The following ARHGAP24 variants were observed in gnomAD, a reference collection of about 807,000 sequenced individuals.
ARHGAP24 encodes the protein Rho GTPase activating protein 24, also known as rho GTPase-activating protein 24.
In ARHGAP24, 50 loss-of-function variants were observed where a neutral mutation model predicts 76.4. That is an observed-to-expected ratio of 0.65 (90% CI 0.52 to 0.83). ARHGAP24 has a LOEUF of 0.83. Among genes scored for constraint, ARHGAP24 ranks in the 40% least tolerant of loss-of-function variants. The pLI is 0.00. For synonymous variants in ARHGAP24, 345 were observed against 323.3 expected (o/e 1.07, Z -0.72); for missense variants, 930 against 914.2 (o/e 1.02, Z -0.22).
intron 3 of ARHGAP24, among the ~76,000 whole-genome samples, chr4:85,757,444 G>T (rs146354539): frequency 2.0e-5 from 3 of 151,496 alleles, no homozygotes; most frequent in African/African-American, 4.9e-5. Flanking sequence ...TCAATTCCCA[G>T]CTATGAGTGA....
At chr4:85,607,897 C>A (rs1449104877) in intron 2 of ARHGAP24, among the ~76,000 whole-genome samples, 1 of 151,578 alleles carries the variant, frequency 6.6e-6, no homozygotes, top group Admixed American at 6.6e-5. Flanking sequence ...GTGCATGATG[C>A]CTGGTGCTGG....
At chr4:85,807,140 GAGAT>G (rs1277800337) in intron 3 of ARHGAP24, among the ~76,000 whole-genome samples, 1 of 151,788 alleles carries the variant, frequency 6.6e-6, no homozygotes, top group Non-Finnish European at 1.5e-5. Context: ...TTTAAGTTCT[GAGAT>G]AGATGTGCAG....
intron 1 of ARHGAP24, among the ~76,000 whole-genome samples, chr4:85,485,743 T>G (rs1343810697): frequency 6.6e-6 from 1 of 151,666 alleles, no homozygotes; most frequent in Non-Finnish European, 1.5e-5. Flanking sequence ...GAACAGTTTT[T>G]TTTTTTTTTT....
chr4:85,610,451 CAAAAAAAAAA>C (rs57348830), intron 2 of ARHGAP24, among the ~76,000 whole-genome samples: 4 of 51,212 alleles, frequency 7.8e-5, no homozygotes, highest in African/African-American at 3.2e-4. Context: ...ACTCCATCTA[CAAAAAAAAAA>C]AAAAAAAAAA....
chr4:85,610,036 T>C (rs542227847), intron 2 of ARHGAP24, among the ~76,000 whole-genome samples: 1 of 152,164 alleles, frequency 6.6e-6, no homozygotes, highest in African/African-American at 2.4e-5. Flanking sequence ...CATAAGACAA[T>C]TTAATGAACT....
rs564504408 is a variant in ARHGAP24 at position 85,870,912 on chromosome 4, A to G, written c.269-52736A>G. On this transcript the variant is annotated intron_variant, in intron 3 of 9. Coordinates refer to ENST00000395184, the MANE Select transcript of ARHGAP24 (RefSeq NM_001025616.3). ...TTTACTGTTTCATGACTTTACTTCA[A>G]GTTTCCTTGTACCAAATATTACCTC... 3.3e-5 allele frequency among the ~76,000 whole-genome samples: 5 copies of G among 152,264 alleles called. No individual in the cohort carries two copies. The South Asian group carries it at 8.3e-4, about 25-fold the overall frequency.
chr4:85,620,501 T>A (rs1055608102), intron 2 of ARHGAP24, among the ~76,000 whole-genome samples: 1 of 151,768 alleles, frequency 6.6e-6, no homozygotes, highest in African/African-American at 2.4e-5. Flanking sequence ...TGTAATGTAG[T>A]TTCTTTTATT....
intron 4 of ARHGAP24, among the ~76,000 whole-genome samples, chr4:85,941,496 AGTTT>A (rs1379814967): frequency 1.3e-5 from 2 of 152,222 alleles, no homozygotes; most frequent in African/African-American, 4.8e-5. Context: ...ATAAGTTAAT[AGTTT>A]AAGACAAGCA....
chr4:85,475,691 C>CCA (rs1158630589), intron 1 of ARHGAP24, 132 bp downstream of exon 1: 2 of 1,996 alleles, frequency 1.0e-3, no homozygotes, highest in Non-Finnish European at 2.3e-3. Context: ...CTGCGGGGGG[C>CCA]GGGGAGGGGG....
At chr4:85,720,644 C>G (rs954082542) in intron 2 of ARHGAP24, among the ~76,000 whole-genome samples, 1 of 152,024 alleles carries the variant, frequency 6.6e-6, no homozygotes, top group African/African-American at 2.4e-5. Context: ...AAATCATAGG[C>G]CTGGATGAGA....
At chr4:85,887,577 A>T (rs1578346679) in intron 3 of ARHGAP24, among the ~76,000 whole-genome samples, 1 of 152,332 alleles carries the variant, frequency 6.6e-6, no homozygotes, top group Non-Finnish European at 1.5e-5. Flanking sequence ...ACAGTTGTAA[A>T]TATTTTACAA....
At chr4:85,901,477 G>A (rs1734489141) in intron 3 of ARHGAP24, among the ~76,000 whole-genome samples, 3 of 152,062 alleles carry the variant, frequency 2.0e-5, no homozygotes, top group Admixed American at 2.0e-4. Flanking sequence ...GACATTTGAT[G>A]TTGGGTGTTC....
At chr4:85,489,500 G>A (rs1012258942) in intron 1 of ARHGAP24, among the ~76,000 whole-genome samples, 2 of 152,164 alleles carry the variant, frequency 1.3e-5, no homozygotes, top group African/African-American at 4.8e-5. Context: ...TCTTAAACAG[G>A]AGAGGTCAAA....
chr4:85,647,095 T>C (rs1721752254), intron 2 of ARHGAP24, among the ~76,000 whole-genome samples: 1 of 152,052 alleles, frequency 6.6e-6, no homozygotes, highest in Non-Finnish European at 1.5e-5. Context: ...AGCTAAGAGC[T>C]TAAATTTGGA....
chr4:85,786,661 C>G (rs1238495404), intron 3 of ARHGAP24, among the ~76,000 whole-genome samples: 3 of 152,042 alleles, frequency 2.0e-5, no homozygotes, highest in Admixed American at 6.6e-5. Flanking sequence ...CACACACACA[C>G]AGAGATATTG....
intron 2 of ARHGAP24, among the ~76,000 whole-genome samples, chr4:85,671,253 T>C (rs1255603922): frequency 6.6e-6 from 1 of 152,176 alleles, no homozygotes; most frequent in African/African-American, 2.4e-5. Context: ...GCAAAAAGCC[T>C]GACTATCTTT....
chr4:85,618,114 A>G (rs548756483), intron 2 of ARHGAP24, among the ~76,000 whole-genome samples: 3 of 152,238 alleles, frequency 2.0e-5, no homozygotes, highest in African/African-American at 4.8e-5. Flanking sequence ...ACTTAAGTGA[A>G]ACTTTGTACC....
chr4:85,897,531 T>C (rs952557179), intron 3 of ARHGAP24, among the ~76,000 whole-genome samples: 3 of 152,324 alleles, frequency 2.0e-5, no homozygotes, highest in South Asian at 4.1e-4. Flanking sequence ...ATACAAGTCA[T>C]AATTTACAAG....
At chr4:85,665,816 T>A (rs1302581597) in intron 2 of ARHGAP24, among the ~76,000 whole-genome samples, 1 of 152,208 alleles carries the variant, frequency 6.6e-6, no homozygotes. Context: ...TTGAAAATTC[T>A]TTTCTTTAAG....
Sources: allele counts gnomAD v4.1 joint callset (sites outside exome capture counted in the v4.1 genomes callset), GRCh38; gene constraint gnomAD v4.1.1; transcripts MANE v1.5; gene names NCBI Gene and HGNC (gene_info 2026-07-23, HGNC 2026-07-21).